GRM1: variants seen among roughly 807,000 people sequenced by gnomAD.
GRM1 encodes the protein glutamate metabotropic receptor 1, also known as metabotropic glutamate receptor 1.
In GRM1, 33 loss-of-function variants were observed where a neutral mutation model predicts 90.9. That is an observed-to-expected ratio of 0.36 (90% CI 0.28 to 0.49). GRM1 has a LOEUF of 0.49. Among genes scored for constraint, GRM1 ranks in the 20% least tolerant of loss-of-function variants. The pLI is 0.99. For missense variants in GRM1, 1,190 were observed against 1,534.3 expected, an observed-to-expected ratio of 0.78 and a Z score of 3.75; for synonymous variants, 700 against 613.2, an observed-to-expected ratio of 1.14 and a Z score of -2.09.
chr6:146,087,210 C>T (rs375521243), intron 1 of GRM1, among the ~76,000 whole-genome samples: 50 of 152,206 alleles, frequency 3.3e-4, no homozygotes, highest in African/African-American at 1.1e-3. Context: ...TCTTTCATCC[C>T]TAAGCCTCTC....
chr6:146,058,461 A>T (rs1775556119), intron 1 of GRM1, among the ~76,000 whole-genome samples: 1 of 152,158 alleles, frequency 6.6e-6, no homozygotes, highest in Admixed American at 6.6e-5. Flanking sequence ...CTGCTAAAAA[A>T]TGCTAATGAT....
rs1342542328 is a variant in GRM1, at chr6:146,048,783, C to A, written c.700+18566C>A. Among the ~76,000 whole-genome samples the A allele has an allele frequency of 2.6e-5, 4 of 151,964 alleles. No individual in the cohort carries two copies. In the East Asian group the frequency reaches 7.8e-4, roughly 30 times the overall value. On this transcript the variant is annotated intron_variant, in intron 1 of 7. Transcript: ENST00000282753. ...GAGATTGGGGTGATGCATCTGCAAG[C>A]CAGGGAATGCCAAAGATTGTCAGCA...
At chr6:146,068,115 T>A (rs1276183697) in intron 1 of GRM1, among the ~76,000 whole-genome samples, 2 of 56,920 alleles carry the variant, frequency 3.5e-5, no homozygotes, top group African/African-American at 9.4e-5. Context: ...CTTCAAATAA[T>A]TTTTTTTTTT....
intron 5 of GRM1, among the ~76,000 whole-genome samples, chr6:146,377,007 G>A (rs553736802): frequency 6.6e-6 from 1 of 152,088 alleles, no homozygotes; most frequent in Non-Finnish European, 1.5e-5. Flanking sequence ...CATGCAAGAC[G>A]TGACTTTACC....
chr6:146,361,228 A>T (rs1055842940), intron 5 of GRM1, among the ~76,000 whole-genome samples: 2 of 152,194 alleles, frequency 1.3e-5, no homozygotes, highest in Admixed American at 1.3e-4. Context: ...GAGCCTACTC[A>T]AAGGGAGAGA....
At chr6:146,342,098 AG>A (rs1446486546) in intron 3 of GRM1, among the ~76,000 whole-genome samples, 1 of 152,218 alleles carries the variant, frequency 6.6e-6, no homozygotes, top group Non-Finnish European at 1.5e-5. Flanking sequence ...TTAGGGAATC[AG>A]TTAATAGTTT....
At chr6:146,238,802 C>T (rs1465237911) in intron 2 of GRM1, among the ~76,000 whole-genome samples, 2 of 152,024 alleles carry the variant, frequency 1.3e-5, no homozygotes, top group African/African-American at 4.8e-5. Flanking sequence ...ATCTTAAGCA[C>T]AGGAAATATG....
intron 7 of GRM1, among the ~76,000 whole-genome samples, chr6:146,430,812 C>T (rs1261180162): frequency 1.1e-4 from 16 of 152,280 alleles, no homozygotes; most frequent in East Asian, 1.9e-4. Context: ...CCTCTCTTCA[C>T]GGCCATTTGA....
chr6:146,293,833 A>G (rs538174435), intron 2 of GRM1, among the ~76,000 whole-genome samples: 2 of 151,756 alleles, frequency 1.3e-5, no homozygotes, highest in East Asian at 3.9e-4. Flanking sequence ...AAGCTTTTCT[A>G]AGAAAATGGT....
At chr6:146,057,855 T>C (rs1169214865) in intron 1 of GRM1, among the ~76,000 whole-genome samples, 2 of 152,138 alleles carry the variant, frequency 1.3e-5, no homozygotes, top group Non-Finnish European at 2.9e-5. Flanking sequence ...GGTTTGACTT[T>C]TTAATTTTTT....
chr6:146,132,153 G>A (rs940513323), intron 1 of GRM1, among the ~76,000 whole-genome samples: 1 of 152,150 alleles, frequency 6.6e-6, no homozygotes, highest in African/African-American at 2.4e-5. Flanking sequence ...AAGGAGTTTT[G>A]GACTTTATCC....
intron 2 of GRM1, among the ~76,000 whole-genome samples, chr6:146,173,934 G>A (rs1056228415): frequency 2.0e-5 from 3 of 152,092 alleles, no homozygotes; most frequent in Non-Finnish European, 4.4e-5. Context: ...AGGATTACAG[G>A]TGTGAGCCAC....
chr6:146,154,674 T>G (rs942449324), intron 1 of GRM1, among the ~76,000 whole-genome samples: 1 of 152,234 alleles, frequency 6.6e-6, no homozygotes, highest in East Asian at 1.9e-4. Context: ...CTTTTACAGA[T>G]GTTGACATTG....
chr6:146,212,171 G>C (rs1779706035), intron 2 of GRM1, among the ~76,000 whole-genome samples: 1 of 152,154 alleles, frequency 6.6e-6, no homozygotes, highest in Non-Finnish European at 1.5e-5. Flanking sequence ...TATGGATTTT[G>C]AAAATATCAA....
intron 2 of GRM1, among the ~76,000 whole-genome samples, chr6:146,300,114 TCTC>T (rs1783319762): frequency 2.6e-5 from 4 of 152,180 alleles, no homozygotes; most frequent in Admixed American, 1.3e-4. Flanking sequence ...TATATTGTAA[TCTC>T]TGGAATATTT....
intron 1 of GRM1, among the ~76,000 whole-genome samples, chr6:146,107,081 A>G (rs552620732): frequency 2.6e-5 from 4 of 152,154 alleles, no homozygotes; most frequent in African/African-American, 7.2e-5. Context: ...TGAATTTGCA[A>G]TCTCTCCCTT....
At chr6:146,294,935 G>A in intron 2 of GRM1, among the ~76,000 whole-genome samples, 1 of 151,822 alleles carries the variant, frequency 6.6e-6, no homozygotes, top group East Asian at 1.9e-4. Flanking sequence ...AGAAAAACGT[G>A]TTACAAAAAA....
chr6:146,181,959 A>G (rs1255068527), intron 2 of GRM1, among the ~76,000 whole-genome samples: 2 of 152,160 alleles, frequency 1.3e-5, no homozygotes, highest in African/African-American at 4.8e-5. Context: ...GGGATGTAAA[A>G]TAAGAGATCA....
chr6:146,370,437 T>A (rs1775855018), intron 5 of GRM1, among the ~76,000 whole-genome samples: 1 of 152,108 alleles, frequency 6.6e-6, no homozygotes, highest in Non-Finnish European at 1.5e-5. Flanking sequence ...GATGAGTGAA[T>A]GAATGAATGG....
Sources: gnomAD v4.1 joint callset for allele counts (sites outside exome capture counted in the v4.1 genomes callset) on GRCh38, gnomAD v4.1.1 for gene constraint, MANE v1.5 for transcripts, NCBI Gene and HGNC (gene_info 2026-07-23, HGNC 2026-07-21) for gene names.